TMEM178B: variants seen among roughly 807,000 people sequenced by gnomAD.
TMEM178B encodes the protein transmembrane protein 178B.
In TMEM178B, 5 loss-of-function variants were observed where a neutral mutation model predicts 31.0. The observed-to-expected ratio is 0.16, with a 90% CI of 0.08 to 0.34. The LOEUF (loss-of-function observed/expected upper bound fraction) is 0.34. Among genes scored for constraint, TMEM178B ranks in the 10% least tolerant of loss-of-function variants. The pLI, the probability that TMEM178B is intolerant of heterozygous loss-of-function variation, is 1.00. For missense variants in TMEM178B, 275 were observed against 400.3 expected, an observed-to-expected ratio of 0.69 and a Z score of 2.67; for synonymous variants, 164 against 164.0, an observed-to-expected ratio of 1.00 and a Z score of 0.00.
chr7:141,101,867 C>T (rs763506753), intron 1 of TMEM178B, among the ~76,000 whole-genome samples: 6 of 151,582 alleles, frequency 4.0e-5, no homozygotes, highest in Non-Finnish European at 7.4e-5. Context: ...TGTCAGTACC[C>T]TCTATTTTTT....
chr7:141,197,480 A>G (rs2129185766), intron 1 of TMEM178B, among the ~76,000 whole-genome samples: 1 of 152,350 alleles, frequency 6.6e-6, no homozygotes, highest in Middle Eastern at 3.4e-3. Context: ...AGGATAAGTT[A>G]ACCCTTTAAT....
intron 2 of TMEM178B, among the ~76,000 whole-genome samples, chr7:141,377,111 T>C (rs1483118504): frequency 6.6e-6 from 1 of 152,122 alleles, no homozygotes; most frequent in African/African-American, 2.4e-5. Context: ...TTTTAATTTT[T>C]ACTTGTCTAT....
At chr7:141,503,053 A>T in the TMEM178B span, among the ~76,000 whole-genome samples, 8 of 152,138 alleles carry the variant, frequency 5.3e-5, no homozygotes, top group African/African-American at 1.9e-4. Context: ...TCATCCACCC[A>T]GCTCTTCTCC....
intron 2 of TMEM178B, among the ~76,000 whole-genome samples, chr7:141,398,895 G>C (rs1424455004): frequency 6.6e-6 from 1 of 152,158 alleles, no homozygotes; most frequent in Admixed American, 6.5e-5. Flanking sequence ...CATTATTAAA[G>C]CTCCTGGTAC....
intron 1 of TMEM178B, among the ~76,000 whole-genome samples, chr7:141,169,915 A>T (rs1796321559): frequency 6.6e-6 from 1 of 152,218 alleles, no homozygotes; most frequent in South Asian, 2.1e-4. Flanking sequence ...GTTCCCTTCC[A>T]CTGTTTGTTC....
intron 2 of TMEM178B, among the ~76,000 whole-genome samples, chr7:141,435,243 A>G (rs1801513282): frequency 6.6e-6 from 1 of 152,252 alleles, no homozygotes; most frequent in Non-Finnish European, 1.5e-5. Flanking sequence ...TAAACTCAAA[A>G]TGGATTAAAT....
At chr7:141,315,891 C>A (rs982052159) in intron 2 of TMEM178B, among the ~76,000 whole-genome samples, 1 of 152,140 alleles carries the variant, frequency 6.6e-6, no homozygotes, top group African/African-American at 2.4e-5. Context: ...TTCTTCCCTC[C>A]CAACTTCCCA....
At chr7:141,186,945 T>C (rs1468117341) in intron 1 of TMEM178B, among the ~76,000 whole-genome samples, 2 of 151,978 alleles carry the variant, frequency 1.3e-5, no homozygotes, top group African/African-American at 4.8e-5. Flanking sequence ...TTTTAAAAAT[T>C]TTATTATTAT....
In TMEM178B at chr7:141,074,130, G is replaced by T. The variant is rs1794553330; in HGVS notation, c.-181G>T. Reference sequence around the variant, plus strand: ...CGGATCAGAACTTTTTAGGCCGCCCGCCCCCATCCCCGCAGTCCCCGGGCC... The same window carrying T: ...CGGATCAGAACTTTTTAGGCCGCCCTCCCCCATCCCCGCAGTCCCCGGGCC... On this transcript the variant is annotated 5_prime_UTR_variant, in exon 1 of 4. Transcript: ENST00000565468. The surrounding 1 kb of genome is among the most constrained non-coding windows in gnomAD (Gnocchi z 5.1). The T allele has an allele frequency of 2.3e-6, 2 of 871,488 alleles. No homozygotes were observed. The highest frequency in any genetic ancestry group is 3.2e-6 in the Non-Finnish European group (2 of 629,118). 54.0% of individuals were successfully genotyped at this position (871,488 alleles called of 1,614,324 possible).
chr7:141,192,632 T>G (rs544251939), intron 1 of TMEM178B, among the ~76,000 whole-genome samples: 1 of 152,180 alleles, frequency 6.6e-6, no homozygotes, highest in South Asian at 2.1e-4. Flanking sequence ...ACCCGACTAA[T>G]TTTTTGTATT....
In TMEM178B at chr7:141,391,127, G is replaced by A. The variant is rs187471308; in HGVS notation, c.497-46481G>A. Among the ~76,000 whole-genome samples the A allele has an allele frequency of 3.3e-5, 5 of 152,190 alleles. No individual in the cohort carries two copies. The East Asian group carries it at 9.7e-4, about 29-fold the overall frequency. ...GAGCTGAGATGGTCTTGAAGGCCAG[G>A]CTGTAGTTTACTGTTTATGGTGACA... is the stretch of plus-strand genomic sequence containing the variant. On this transcript the variant is annotated intron_variant, in intron 2 of 3. Transcript: ENST00000565468.
intron 2 of TMEM178B, among the ~76,000 whole-genome samples, chr7:141,354,605 T>A (rs914754165): frequency 2.0e-5 from 3 of 152,220 alleles, no homozygotes; most frequent in Non-Finnish European, 4.4e-5. Flanking sequence ...TCGTATCCCC[T>A]TCCTACTTAT....
intron 3 of TMEM178B, among the ~76,000 whole-genome samples, chr7:141,446,653 G>A (rs554506074): frequency 6.6e-6 from 1 of 152,220 alleles, no homozygotes; most frequent in South Asian, 2.1e-4. Flanking sequence ...ACCAGTCCAG[G>A]ACCAAAAGAG....
chr7:141,412,540 A>G (rs535283238), intron 2 of TMEM178B, among the ~76,000 whole-genome samples: 6 of 152,338 alleles, frequency 3.9e-5, no homozygotes, highest in Admixed American at 2.6e-4. Context: ...TTCATGATGT[A>G]TATTGACAAA....
chr7:141,508,457 C>T, the TMEM178B span, among the ~76,000 whole-genome samples: 2 of 152,230 alleles, frequency 1.3e-5, no homozygotes, highest in Non-Finnish European at 2.9e-5. Context: ...CCAACCTCTG[C>T]CTGTTACCCA....
chr7:141,253,831 C>T (rs538965725), intron 2 of TMEM178B, among the ~76,000 whole-genome samples: 12 of 151,950 alleles, frequency 7.9e-5, no homozygotes, highest in South Asian at 2.1e-4. Context: ...GGATTACAGG[C>T]GTGAGCCACC....
chr7:141,347,439 G>A (rs745643248), intron 2 of TMEM178B, among the ~76,000 whole-genome samples: 4 of 152,140 alleles, frequency 2.6e-5, no homozygotes, highest in Admixed American at 2.6e-4. Context: ...GGGTCTCCTG[G>A]CAGAGCTGGT....
At chr7:141,494,393 A>G in the TMEM178B span, among the ~76,000 whole-genome samples, 1 of 152,166 alleles carries the variant, frequency 6.6e-6, no homozygotes, top group Non-Finnish European at 1.5e-5. Context: ...GAAAATTTTT[A>G]GATTTATATG....
At chr7:141,177,238 A>G (rs566590671) in intron 1 of TMEM178B, among the ~76,000 whole-genome samples, 30 of 152,140 alleles carry the variant, frequency 2.0e-4, no homozygotes, top group East Asian at 5.8e-4. Context: ...TTCAGTTTCC[A>G]TATAGTTGTG....
Sources: gnomAD v4.1 joint callset for allele counts (sites outside exome capture counted in the v4.1 genomes callset) on GRCh38, gnomAD v4.1.1 for gene constraint, Gnocchi (gnomAD v3.1) non-coding constraint, MANE v1.5 for transcripts, NCBI Gene and HGNC (gene_info 2026-07-23, HGNC 2026-07-21) for gene names.